Variants in TARS3 observed in about 807,000 individuals in gnomAD.
The protein encoded by TARS3 is threonyl-tRNA synthetase 3, also known as threonine--tRNA ligase 2, cytoplasmic.
In TARS3, 94 loss-of-function variants were observed where a neutral mutation model predicts 103.5. The observed-to-expected ratio is 0.91, with a 90% CI of 0.77 to 1.08. The LOEUF (loss-of-function observed/expected upper bound fraction) is 1.08, where lower values mean the gene tolerates loss of function less well. TARS3 is among the 50% of genes least tolerant of loss of function. The pLI is 0.00. For synonymous variants in TARS3, 416 were observed against 355.4 expected, an observed-to-expected ratio of 1.17 and a Z score of -1.92; for missense variants, 952 against 995.2, an observed-to-expected ratio of 0.96 and a Z score of 0.58.
chr15:101,694,006 C>T (rs967740904), intron 10 of TARS3, among the ~76,000 whole-genome samples: 1 of 151,844 alleles, frequency 6.6e-6, no homozygotes, highest in Non-Finnish European at 1.5e-5. Context: ...GTACATTTTA[C>T]TGCATGACAA....
intron 15 of TARS3, among the ~76,000 whole-genome samples, chr15:101,663,606 T>C (rs1304826455): frequency 1.3e-5 from 2 of 152,260 alleles, no homozygotes; most frequent in African/African-American, 4.8e-5. Flanking sequence ...GCTTCTGAAA[T>C]GTTTTTTCCA....
intron 16 of TARS3, 37 bp downstream of exon 16, chr15:101,661,672 GAAT>G (rs768785042): frequency 6.9e-5 from 84 of 1,214,688 alleles, no homozygotes; most frequent in Non-Finnish European, 9.0e-5. Flanking sequence ...AAATTAAAAA[GAAT>G]AATAGACATA....
At chr15:101,692,013 G>T (rs997276148) in intron 10 of TARS3, among the ~76,000 whole-genome samples, 1 of 152,142 alleles carries the variant, frequency 6.6e-6, no homozygotes, top group Non-Finnish European at 1.5e-5. Flanking sequence ...AATCACACAA[G>T]CCAATTCCTC....
chr15:101,654,533 T>G lies in TARS3; in HGVS notation c.*49A>C. On this transcript the variant is annotated 3_prime_UTR_variant, in exon 19 of 19. Transcript: ENST00000335968. The stretch of plus-strand genomic sequence containing the variant: ...ACTAACATGTTAAGAAAAATACATT[T>G]TTAAGGGTCAAAACAAAGTTACACA... The G allele has an allele frequency of 1.3e-6, 2 of 1,589,594 alleles. No homozygotes were observed. Among genetic ancestry groups the G allele is most frequent in the Non-Finnish European group, 1.7e-6 (2 of 1,170,786 alleles).
chr15:101,669,395 G>A (rs1897709348), intron 15 of TARS3, among the ~76,000 whole-genome samples: 1 of 152,142 alleles, frequency 6.6e-6, no homozygotes, highest in Admixed American at 6.5e-5. Flanking sequence ...GTTACAGTAA[G>A]CTAAGCTTAA....
chr15:101,721,862 T>C (rs1900480668), intron 2 of TARS3, among the ~76,000 whole-genome samples: 1 of 152,232 alleles, frequency 6.6e-6, no homozygotes, highest in Non-Finnish European at 1.5e-5. Context: ...TGAGTATCCA[T>C]ACAACCATTG....
At chr15:101,718,335 G>A (rs566450748) in intron 3 of TARS3, among the ~76,000 whole-genome samples, 2 of 151,976 alleles carry the variant, frequency 1.3e-5, no homozygotes, top group Admixed American at 6.6e-5. Context: ...GAAAAGGGGC[G>A]GGGTGGAGGT....
At chr15:101,706,068 A>T (rs1160470866) in intron 6 of TARS3, among the ~76,000 whole-genome samples, 1 of 152,062 alleles carries the variant, frequency 6.6e-6, no homozygotes, top group African/African-American at 2.4e-5. Flanking sequence ...GGTTCAAGCG[A>T]TTCTGCCTCA....
chr15:101,665,762 G>C (rs915351363), intron 15 of TARS3, among the ~76,000 whole-genome samples: 3 of 152,158 alleles, frequency 2.0e-5, no homozygotes, highest in Admixed American at 1.3e-4. Context: ...CTTTCACCCA[G>C]ATTGAAGTTT....
At chr15:101,717,572 C>T (rs1348997523) in intron 3 of TARS3, among the ~76,000 whole-genome samples, 2 of 152,202 alleles carry the variant, frequency 1.3e-5, no homozygotes, top group African/African-American at 2.4e-5. Context: ...TCATGTGTAA[C>T]ACTTCTGTGT....
intron 10 of TARS3, among the ~76,000 whole-genome samples, chr15:101,686,590 C>T (rs58746119): frequency 0.012 from 1,800 of 152,236 alleles, 45 homozygotes; most frequent in African/African-American, 0.042. Context: ...TTACTGGAGA[C>T]AGGAGAAGAG....
chr15:101,721,430 T>C (rs1027074804), intron 2 of TARS3, 108 bp from the exon 3 acceptor site: 11 of 770,294 alleles, frequency 1.4e-5, no homozygotes, highest in African/African-American at 1.0e-4. Flanking sequence ...GTTCTACAGA[T>C]GGTCCCAAGC....
chr15:101,680,458 C>T (rs1409338540), intron 12 of TARS3, among the ~76,000 whole-genome samples: 2 of 152,198 alleles, frequency 1.3e-5, no homozygotes, highest in Non-Finnish European at 2.9e-5. Flanking sequence ...ACCTAAGGAA[C>T]TCACTACCAT....
chr15:101,721,125 C>T lies in TARS3; in HGVS notation c.566+1G>A. ...AATATCTTTTCCACACTGCGGTTTA[C>T]CTAATTTCAGCAGCCACTTGGTAAG... is the stretch of plus-strand genomic sequence containing the variant. On this transcript the variant is annotated splice_donor_variant, in intron 3 of 18. Transcript: ENST00000335968. LOFTEE classifies it high-confidence loss of function. 6.3e-7 allele frequency: 1 copy of T among 1,593,882 alleles called. No individual in the cohort carries two copies. The highest frequency in any genetic ancestry group is 8.6e-7 in the Non-Finnish European group (1 of 1,163,396).
chr15:101,656,325 C>A (rs1461751175), intron 18 of TARS3, among the ~76,000 whole-genome samples: 1 of 152,210 alleles, frequency 6.6e-6, no homozygotes, highest in East Asian at 1.9e-4. Flanking sequence ...CAATGCTATG[C>A]ATATTTATTT....
intron 10 of TARS3, 93 bp from the exon 11 acceptor site, chr15:101,686,155 C>T: frequency 8.5e-7 from 1 of 1,181,398 alleles, no homozygotes; most frequent in African/African-American, 1.5e-5. Flanking sequence ...TCAAATTGGG[C>T]TCATGTCCTA....
chr15:101,675,544 C>T, intron 13 of TARS3, 56 bp downstream of exon 13: 1 of 1,553,474 alleles, frequency 6.4e-7, no homozygotes, highest in South Asian at 1.2e-5. Flanking sequence ...ACTGCAGCCT[C>T]TCAGGTGTCT....
Position 101,661,818 on chromosome 15 carries a change from T to TA in TARS3, c.1968-3dup, listed in dbSNP as rs1483486136. 19 of 1,554,990 alleles carry TA rather than the reference T, an allele frequency of 1.2e-5. No individual in the cohort carries two copies. Among genetic ancestry groups the TA allele is most frequent in the Non-Finnish European group, 1.5e-5 (17 of 1,148,970 alleles). On this transcript the variant is annotated splice_polypyrimidine_tract_variant and splice_region_variant and intron_variant, in intron 15 of 18. Transcript: ENST00000335968. ...CTCTTCTTATCATCCCCATCCTTAC[T>TA]AAAAAATGAAAATTATACATTTAAG...
chr15:101,691,620 G>A (rs1898728242), intron 10 of TARS3, among the ~76,000 whole-genome samples: 1 of 152,100 alleles, frequency 6.6e-6, no homozygotes, highest in Admixed American at 6.6e-5. Flanking sequence ...ACATATTTGA[G>A]ATTCACAACA....
Sources: gnomAD v4.1 joint callset for allele counts (sites outside exome capture counted in the v4.1 genomes callset) on GRCh38, gnomAD v4.1.1 for gene constraint, MANE v1.5 for transcripts, NCBI Gene and HGNC (gene_info 2026-07-23, HGNC 2026-07-21) for gene names.